RBFOX1: variants seen among roughly 807,000 people sequenced by gnomAD.
RBFOX1 encodes the protein RNA binding protein fox-1 homolog 1.
RBFOX1 carries 8 observed loss-of-function variants against 57.7 expected under a neutral mutation model. That is an observed-to-expected ratio of 0.14 (90% CI 0.08 to 0.25). The LOEUF is 0.25. Among genes scored for constraint, RBFOX1 ranks in the 10% least tolerant of loss-of-function variants. The pLI is 1.00. For synonymous variants in RBFOX1, 326 were observed against 222.4 expected, an observed-to-expected ratio of 1.47 and a Z score of -4.15; for missense variants, 611 against 548.5, an observed-to-expected ratio of 1.11 and a Z score of -1.14.
intron 2 of RBFOX1, among the ~76,000 whole-genome samples, chr16:6,509,237 G>C (rs2096193967): frequency 6.6e-6 from 1 of 152,054 alleles, no homozygotes; most frequent in Non-Finnish European, 1.5e-5. Context: ...TAAAATGGAG[G>C]AATTTTTTTC....
At chr16:6,611,503 T>A (rs12922471) in intron 2 of RBFOX1, among the ~76,000 whole-genome samples, 41,454 of 152,014 alleles carry the variant, frequency 0.27, 5,970 homozygotes, top group East Asian at 0.41. Context: ...TCTCCTTGGA[T>A]GCTCTTTGCC....
At chr16:6,211,278 G>A (rs1346233334) in intron 1 of RBFOX1, among the ~76,000 whole-genome samples, 3 of 146,852 alleles carry the variant, frequency 2.0e-5, no homozygotes, top group Non-Finnish European at 4.5e-5. Flanking sequence ...GCCCAGGCTG[G>A]AGGGCAGTGG....
At chr16:7,662,520 C>T (rs1046282364) in intron 12 of RBFOX1, among the ~76,000 whole-genome samples, 7 of 152,150 alleles carry the variant, frequency 4.6e-5, no homozygotes, top group Non-Finnish European at 8.8e-5. Flanking sequence ...CAGTTATTGT[C>T]CATCTTCTAG....
At chr16:5,341,374 C>G (rs185704301) in intron 1 of RBFOX1, among the ~76,000 whole-genome samples, 2 of 152,278 alleles carry the variant, frequency 1.3e-5, no homozygotes, top group Admixed American at 6.5e-5. Flanking sequence ...GGGAATCCAT[C>G]TGGCCCAATT....
chr16:7,064,514 C>G (rs145335591), intron 4 of RBFOX1, among the ~76,000 whole-genome samples: 1 of 151,986 alleles, frequency 6.6e-6, no homozygotes, highest in Non-Finnish European at 1.5e-5. Context: ...TAGACACGCA[C>G]AAAGGGCAAA....
At chr16:7,332,662 C>A in intron 4 of RBFOX1, 1 of 418,390 alleles carries the variant, frequency 2.4e-6, no homozygotes, top group Non-Finnish European at 3.2e-6. Context: ...GTCTCTTGGT[C>A]TCTCTCTCTG....
At chr16:6,464,761 C>T (rs750380382) in intron 2 of RBFOX1, among the ~76,000 whole-genome samples, 1 of 152,242 alleles carries the variant, frequency 6.6e-6, no homozygotes, top group African/African-American at 2.4e-5. Context: ...CATTTAATTA[C>T]TGAGCTACAG....
At chr16:7,690,598 C>G (rs1402996648) in intron 14 of RBFOX1, among the ~76,000 whole-genome samples, 1 of 152,010 alleles carries the variant, frequency 6.6e-6, no homozygotes, top group East Asian at 1.9e-4. Flanking sequence ...GGAGACAGAC[C>G]CTGGTACCAG....
At chr16:7,412,003 C>G (rs759605911) in intron 4 of RBFOX1, among the ~76,000 whole-genome samples, 13 of 151,406 alleles carry the variant, frequency 8.6e-5, no homozygotes, top group Non-Finnish European at 1.5e-4. Flanking sequence ...TGTGGTGTCT[C>G]AGATGGGATC....
At chr16:7,164,416 C>T (rs893859961) in intron 4 of RBFOX1, among the ~76,000 whole-genome samples, 54 of 152,170 alleles carry the variant, frequency 3.5e-4, no homozygotes, top group African/African-American at 1.3e-3. Context: ...AATAGTGCTG[C>T]TATAAACATA....
intron 3 of RBFOX1, among the ~76,000 whole-genome samples, chr16:5,700,121 CAT>C (rs2050992014): frequency 6.6e-6 from 1 of 152,172 alleles, no homozygotes; most frequent in Non-Finnish European, 1.5e-5. Context: ...CGTGAGCCAC[CAT>C]GCCTGGCCAG....
At chr16:6,551,294 C>G (rs925345321) in intron 2 of RBFOX1, among the ~76,000 whole-genome samples, 1 of 152,134 alleles carries the variant, frequency 6.6e-6, no homozygotes, top group Non-Finnish European at 1.5e-5. Context: ...ATGGTTGGAG[C>G]TTTGCTACTG....
chr16:7,160,782 TTTCTCCCTCCTCCGTCTCCCCCTTTC>T (rs1227676653), intron 4 of RBFOX1, among the ~76,000 whole-genome samples: 1 of 147,206 alleles, frequency 6.8e-6, no homozygotes, highest in African/African-American at 2.5e-5. Context: ...CTCCCCCTTT[TTTCTCCCTCCTCCGTCTCCCCCTTTC>T]TTCTCCCTCC....
intron 4 of RBFOX1, among the ~76,000 whole-genome samples, chr16:7,455,405 A>T (rs1400068027): frequency 6.6e-6 from 1 of 152,174 alleles, no homozygotes; most frequent in Non-Finnish European, 1.5e-5. Flanking sequence ...CTTACTCTCC[A>T]TGCAAGAATA....
intron 3 of RBFOX1, among the ~76,000 whole-genome samples, chr16:6,693,708 C>G (rs1195459345): frequency 6.6e-6 from 1 of 150,608 alleles, no homozygotes; most frequent in East Asian, 2.0e-4. Context: ...CATCATCCTC[C>G]TCCACTACCA....
intron 3 of RBFOX1, among the ~76,000 whole-genome samples, chr16:5,638,964 C>T (rs1051880952): frequency 1.3e-5 from 2 of 152,166 alleles, no homozygotes; most frequent in East Asian, 3.9e-4. Flanking sequence ...ATGCCATTCT[C>T]TCCTCCTGCA....
At chr16:6,788,050 C>T (rs1482680398) in intron 3 of RBFOX1, among the ~76,000 whole-genome samples, 2 of 152,130 alleles carry the variant, frequency 1.3e-5, no homozygotes, top group East Asian at 3.9e-4. Context: ...TGGTGAAACC[C>T]CATCTCTACT....
intron 3 of RBFOX1, among the ~76,000 whole-genome samples, chr16:6,755,814 G>T (rs149910382): frequency 6.6e-6 from 1 of 152,112 alleles, no homozygotes; most frequent in Non-Finnish European, 1.5e-5. Context: ...TATTTGGAGC[G>T]ATTATACTTA....
intron 3 of RBFOX1, among the ~76,000 whole-genome samples, chr16:6,885,142 C>A (rs961732553): frequency 1.3e-5 from 2 of 152,304 alleles, no homozygotes; most frequent in Non-Finnish European, 2.9e-5. Context: ...CAAGCTCTGA[C>A]TGGACCGCCT....
Sources: allele counts gnomAD v4.1 joint callset (sites outside exome capture counted in the v4.1 genomes callset), GRCh38; gene constraint gnomAD v4.1.1; transcripts MANE v1.5; gene names NCBI Gene and HGNC (gene_info 2026-07-23, HGNC 2026-07-21).